The following ADGRL2 variants were observed in gnomAD, a reference collection of about 807,000 sequenced individuals.
ADGRL2 encodes the protein adhesion G protein-coupled receptor L2.
A neutral mutation model predicts 157.4 loss-of-function variants in ADGRL2; 44 were observed. That is an observed-to-expected ratio of 0.28 (90% confidence interval 0.22 to 0.36). The LOEUF (loss-of-function observed/expected upper bound fraction) is 0.36. Ranked by LOEUF, ADGRL2 falls within the 10% of genes least tolerant of loss-of-function variation. ADGRL2 has a pLI of 1.00. For synonymous variants in ADGRL2, 585 were observed against 624.7 expected (o/e 0.94, Z 0.95); for missense variants, 1,510 against 1,768.9 (o/e 0.85, Z 2.63).
chr1:81,922,123 C>T (rs2094994876), intron 3 of ADGRL2, among the ~76,000 whole-genome samples: 1 of 151,980 alleles, frequency 6.6e-6, no homozygotes, highest in Non-Finnish European at 1.5e-5. Context: ...ACTGTGATAC[C>T]AAATCTCCCT....
At chr1:81,760,730 T>C (rs1213358711) in intron 1 of ADGRL2, among the ~76,000 whole-genome samples, 2 of 151,920 alleles carry the variant, frequency 1.3e-5, no homozygotes, top group African/African-American at 2.4e-5. Flanking sequence ...ACTTTTTTTT[T>C]TTTTTAGCAG....
At chr1:81,894,149 T>C (rs1282436135) in intron 2 of ADGRL2, among the ~76,000 whole-genome samples, 1 of 152,186 alleles carries the variant, frequency 6.6e-6, no homozygotes, top group Non-Finnish European at 1.5e-5. Flanking sequence ...CAACTTGTAT[T>C]GTTAGTTTCT....
intron 1 of ADGRL2, among the ~76,000 whole-genome samples, chr1:81,711,686 A>G (rs1438235296): frequency 6.6e-6 from 1 of 152,196 alleles, no homozygotes. Flanking sequence ...ATTTATGCTA[A>G]GATGTTAGCA....
At chr1:81,795,387 A>G (rs114694240) in intron 2 of ADGRL2, among the ~76,000 whole-genome samples, 2,719 of 152,156 alleles carry the variant, frequency 0.018, 72 homozygotes, top group African/African-American at 0.062. Flanking sequence ...CAAAATAAAT[A>G]TATAAATAAA....
chr1:81,376,413 C>T (rs2076250750), intron 1 of ADGRL2, among the ~76,000 whole-genome samples: 1 of 152,154 alleles, frequency 6.6e-6, no homozygotes, highest in South Asian at 2.1e-4. Flanking sequence ...ATAATGTTTC[C>T]AAAATGCCTA....
intron 2 of ADGRL2, among the ~76,000 whole-genome samples, chr1:81,863,641 A>G (rs1273637864): frequency 6.6e-6 from 1 of 152,192 alleles, no homozygotes; most frequent in African/African-American, 2.4e-5. Context: ...AATTTGATTT[A>G]GTATAAAGTG....
chr1:81,827,180 G>A (rs2091563937), intron 1 of ADGRL2, among the ~76,000 whole-genome samples: 1 of 152,102 alleles, frequency 6.6e-6, no homozygotes, highest in Non-Finnish European at 1.5e-5. Flanking sequence ...GGTGATGTTG[G>A]CCTTGTGGAA....
chr1:81,918,714 C>A, intron 3 of ADGRL2, among the ~76,000 whole-genome samples: 1 of 151,998 alleles, frequency 6.6e-6, no homozygotes, highest in East Asian at 1.9e-4. Flanking sequence ...ACAGGAAAAG[C>A]AACATTATAG....
chr1:81,842,946 A>C (rs2092652566), intron 2 of ADGRL2, among the ~76,000 whole-genome samples: 1 of 152,098 alleles, frequency 6.6e-6, no homozygotes, highest in Admixed American at 6.6e-5. Flanking sequence ...GATTAGTTGA[A>C]GTCTAGGAGG....
chr1:81,461,142 T>C (rs2077918937), intron 2 of ADGRL2, among the ~76,000 whole-genome samples: 1 of 152,196 alleles, frequency 6.6e-6, no homozygotes, highest in Non-Finnish European at 1.5e-5. Context: ...CAACCTTCCA[T>C]TGTTTTCTCT....
Position 81,791,384 on chromosome 1 carries a change from G to A in ADGRL2, c.-101+29532G>A, listed in dbSNP as rs143674253. Among the ~76,000 whole-genome samples the A allele has an allele frequency of 5.7e-4, 87 of 152,216 alleles. 1 individual carries two copies. Among genetic ancestry groups the A allele is most frequent in the Middle Eastern group, 6.8e-3 (2 of 294 alleles). On this transcript the variant is annotated intron_variant, in intron 2 of 20. Coordinates refer to the ADGRL2 transcript ENST00000359929. ...AGTGTTATAGCTGGGTCTGTGGATG[G>A]TTGGATAAAAGTGAGAGGACTGAAG...
intron 21 of ADGRL2, 197 bp downstream of exon 21, chr1:81,985,552 A>G (rs1662907005): frequency 2.7e-6 from 1 of 369,334 alleles, no homozygotes; most frequent in South Asian, 9.9e-5. Context: ...TTTCTGACCA[A>G]GACATTTATG....
At chr1:81,728,237 G>A (rs2149164081) in intron 1 of ADGRL2, among the ~76,000 whole-genome samples, 1 of 152,264 alleles carries the variant, frequency 6.6e-6, no homozygotes, top group African/African-American at 2.4e-5. Flanking sequence ...TCTACAGGGT[G>A]AGAAACTTGT....
At chr1:81,777,522 G>C (rs1014402886) in intron 2 of ADGRL2, among the ~76,000 whole-genome samples, 26 of 152,320 alleles carry the variant, frequency 1.7e-4, no homozygotes, top group Admixed American at 1.1e-3. Context: ...TGTAATCCCA[G>C]CACTTTGGGA....
chr1:81,536,975 G>C (rs1443346522), intron 2 of ADGRL2, among the ~76,000 whole-genome samples: 1 of 152,196 alleles, frequency 6.6e-6, no homozygotes, highest in Non-Finnish European at 1.5e-5. Flanking sequence ...AGGCAATACT[G>C]TGTGAAGTAA....
At chr1:81,646,305 A>G (rs1490934523) in intron 3 of ADGRL2, among the ~76,000 whole-genome samples, 1 of 152,226 alleles carries the variant, frequency 6.6e-6, no homozygotes, top group East Asian at 1.9e-4. Context: ...TTAAATAATC[A>G]TATAAGAGAA....
intron 2 of ADGRL2, among the ~76,000 whole-genome samples, chr1:81,480,329 A>C (rs181240343): frequency 1.3e-5 from 2 of 152,330 alleles, no homozygotes; most frequent in African/African-American, 4.8e-5. Flanking sequence ...AGTATTTAGC[A>C]CAGTAAATAA....
rs796095285 is a variant in ADGRL2, at chr1:81,355,655, TACTACAGAGG to T, written c.-302+49147_-302+49156del. ...AGAAAGCATTACAGCACAAGAAGTG[TACTACAGAGG>T]CCAACATGCAGAACCCTGCATGGGA... On this transcript the variant is annotated intron_variant, in intron 1 of 24. Transcript: ENST00000370721. Among the ~76,000 whole-genome samples, 414 of 152,246 alleles carry T rather than the reference TACTACAGAGG, an allele frequency of 2.7e-3. 5 individuals are homozygous for T. In the South Asian group the frequency reaches 0.052, roughly 19 times the overall value.
At chr1:81,698,490 G>A (rs552534888), upstream of ADGRL2, among the ~76,000 whole-genome samples, 18 of 152,252 alleles carry the variant, frequency 1.2e-4, no homozygotes, top group Non-Finnish European at 2.4e-4. Context: ...TCAATCTTGT[G>A]CCAGATGTGA....
Sources: gnomAD v4.1 joint callset for allele counts (sites outside exome capture counted in the v4.1 genomes callset) on GRCh38, gnomAD v4.1.1 for gene constraint, MANE v1.5 for transcripts, NCBI Gene and HGNC (gene_info 2026-07-23, HGNC 2026-07-21) for gene names.